The following CSMD1 variants were observed in gnomAD, a reference collection of about 807,000 sequenced individuals.
CSMD1 encodes the protein CUB and Sushi multiple domains 1, also known as CUB and sushi domain-containing protein 1.
CSMD1 carries 213 observed loss-of-function variants against 417.5 expected under a neutral mutation model. The ratio of observed to expected loss-of-function variants is 0.51; its 90% CI spans 0.46 to 0.57. CSMD1 has a LOEUF of 0.57. Among genes scored for constraint, CSMD1 ranks in the 20% least tolerant of loss-of-function variants. The probability of loss-of-function intolerance (pLI) is 0.00; values close to 1 mark genes in which losing one functional copy is unlikely to be tolerated. For synonymous variants in CSMD1, 2,862 were observed against 1,736.8 expected (o/e 1.65, Z -16.11); for missense variants, 6,923 against 4,529.7 (o/e 1.53, Z -15.17).
In CSMD1 at chr8:3,393,073, C is replaced by G. The variant is rs754503948; in HGVS notation, c.2593+3121G>C. On this transcript the variant is annotated intron_variant, in intron 17 of 69. Coordinates refer to ENST00000635120, the MANE Select transcript of CSMD1 (RefSeq NM_033225.6). ...ATATGTCTCTTCAAATACACAGCGACTGATACATAAATAAGAAGTGATCCC... is the reference window on the plus strand; with the variant it reads ...ATATGTCTCTTCAAATACACAGCGAGTGATACATAAATAAGAAGTGATCCC... Among the ~76,000 whole-genome samples the G allele has an allele frequency of 2.6e-5, 4 of 152,172 alleles. No individual in the cohort carries two copies. In the South Asian group the frequency reaches 6.2e-4, roughly 24 times the overall value.
chr8:3,934,585 T>C (rs1810361568), intron 5 of CSMD1, among the ~76,000 whole-genome samples: 1 of 152,178 alleles, frequency 6.6e-6, no homozygotes, highest in Non-Finnish European at 1.5e-5. Context: ...CCAGGCGCGG[T>C]GGCTGATGCC....
At chr8:3,333,499 G>A (rs1051112343) in intron 23 of CSMD1, among the ~76,000 whole-genome samples, 2 of 152,132 alleles carry the variant, frequency 1.3e-5, no homozygotes, top group African/African-American at 4.8e-5. Flanking sequence ...ACAAAATTTT[G>A]CCGTAAGCTT....
intron 3 of CSMD1, among the ~76,000 whole-genome samples, chr8:4,337,544 A>C (rs1800239715): frequency 6.6e-6 from 1 of 152,158 alleles, no homozygotes; most frequent in Non-Finnish European, 1.5e-5. Flanking sequence ...TTTAAAAATA[A>C]ACTCAGCGAT....
intron 1 of CSMD1, among the ~76,000 whole-genome samples, chr8:4,940,054 A>C (rs1468298890): frequency 6.6e-6 from 1 of 152,164 alleles, no homozygotes; most frequent in African/African-American, 2.4e-5. Context: ...AGAAGACAAG[A>C]GCTGAGGTAG....
intron 49 of CSMD1, among the ~76,000 whole-genome samples, chr8:3,078,116 T>C (rs1369027555): frequency 6.6e-6 from 1 of 152,246 alleles, no homozygotes; most frequent in Non-Finnish European, 1.5e-5. Context: ...AGATATATAG[T>C]TGATCTCTAT....
At chr8:3,247,532 C>G (rs1266544824) in intron 26 of CSMD1, among the ~76,000 whole-genome samples, 1 of 152,218 alleles carries the variant, frequency 6.6e-6, no homozygotes, top group African/African-American at 2.4e-5. Context: ...AAGCTCAGGT[C>G]CATCTGGGCC....
intron 5 of CSMD1, among the ~76,000 whole-genome samples, chr8:3,779,387 G>C (rs1248192215): frequency 6.6e-6 from 1 of 152,148 alleles, no homozygotes; most frequent in Non-Finnish European, 1.5e-5. Context: ...AGGGGCTTCA[G>C]AAACCCTGTA....
chr8:3,473,274 A>C (rs998906673), intron 11 of CSMD1, among the ~76,000 whole-genome samples: 2 of 152,206 alleles, frequency 1.3e-5, no homozygotes, highest in African/African-American at 4.8e-5. Context: ...AAAGTTCTTC[A>C]ATCAAATGTC....
chr8:4,054,765 G>A (rs1036790234), intron 3 of CSMD1, among the ~76,000 whole-genome samples: 1 of 152,126 alleles, frequency 6.6e-6, no homozygotes, highest in Non-Finnish European at 1.5e-5. Flanking sequence ...GGGGGTTGAT[G>A]ATGACATCTA....
At chr8:3,936,057 T>C (rs1810469652) in intron 5 of CSMD1, among the ~76,000 whole-genome samples, 1 of 152,076 alleles carries the variant, frequency 6.6e-6, no homozygotes, top group African/African-American at 2.4e-5. Flanking sequence ...TAGAGTGTCC[T>C]GGGTAAAAGA....
intron 20 of CSMD1, among the ~76,000 whole-genome samples, chr8:3,364,543 T>C (rs541464553): frequency 4.6e-5 from 7 of 152,350 alleles, no homozygotes; most frequent in East Asian, 1.9e-4. Context: ...CTGACTTTTA[T>C]ATGGTCTGAG....
intron 3 of CSMD1, among the ~76,000 whole-genome samples, chr8:4,167,967 A>G (rs1235651965): frequency 6.6e-6 from 1 of 151,928 alleles, no homozygotes; most frequent in Non-Finnish European, 1.5e-5. Context: ...ATCTCTACTA[A>G]AAATACAAAA....
At chr8:4,212,628 T>A (rs1800384047) in intron 3 of CSMD1, among the ~76,000 whole-genome samples, 2 of 152,112 alleles carry the variant, frequency 1.3e-5, no homozygotes, top group Admixed American at 1.3e-4. Context: ...TCCTGTCTAC[T>A]ACTGCCACCA....
At chr8:3,757,615 C>CT (rs1797731842) in intron 5 of CSMD1, among the ~76,000 whole-genome samples, 1 of 152,126 alleles carries the variant, frequency 6.6e-6, no homozygotes, top group Non-Finnish European at 1.5e-5. Flanking sequence ...GTAATCCCAG[C>CT]ACTTTGGGAT....
chr8:3,306,147 TGTTAA>T (rs1039054988), intron 25 of CSMD1, among the ~76,000 whole-genome samples: 2 of 152,082 alleles, frequency 1.3e-5, no homozygotes, highest in South Asian at 2.1e-4. Flanking sequence ...ATTTTATTTT[TGTTAA>T]GTTATAGGGT....
intron 1 of CSMD1, among the ~76,000 whole-genome samples, chr8:4,986,781 T>G: frequency 6.6e-6 from 1 of 152,094 alleles, no homozygotes; most frequent in Non-Finnish European, 1.5e-5. Flanking sequence ...GCACTGATGA[T>G]AAAGAAGAAA....
At chr8:3,982,777 C>A (rs900407334) in intron 5 of CSMD1, among the ~76,000 whole-genome samples, 3 of 152,086 alleles carry the variant, frequency 2.0e-5, no homozygotes, top group Admixed American at 1.3e-4. Flanking sequence ...ATGGACAGGG[C>A]CAGAACGAGG....
chr8:4,905,838 A>AG (rs968774537), intron 1 of CSMD1, among the ~76,000 whole-genome samples: 7 of 149,324 alleles, frequency 4.7e-5, no homozygotes, highest in Admixed American at 3.4e-4. Flanking sequence ...AAAAAAAGAA[A>AG]AAAAGAAAAA....
intron 6 of CSMD1, among the ~76,000 whole-genome samples, chr8:3,729,952 AAAAAAAAAACAAAAAC>A (rs1802737689): frequency 6.9e-4 from 9 of 13,102 alleles, no homozygotes; most frequent in East Asian, 3.0e-3. Flanking sequence ...AAAAAAAAAA[AAAAAAAAAACAAAAAC>A]AGAAGAACGG....
Sources: gnomAD v4.1 joint callset for allele counts (sites outside exome capture counted in the v4.1 genomes callset) on GRCh38, gnomAD v4.1.1 for gene constraint, MANE v1.5 for transcripts, NCBI Gene and HGNC (gene_info 2026-07-23, HGNC 2026-07-21) for gene names.